Variants in C1orf21 observed in about 807,000 individuals in gnomAD.
The protein encoded by C1orf21 is chromosome 1 open reading frame 21, also known as uncharacterized protein C1orf21.
C1orf21 carries 3 observed loss-of-function variants against 18.7 expected under a neutral mutation model. The ratio of observed to expected loss-of-function variants is 0.16; its 90% confidence interval spans 0.07 to 0.42. The LOEUF is 0.42. Among genes scored for constraint, C1orf21 ranks in the 10% least tolerant of loss-of-function variants. The pLI, the probability that C1orf21 is intolerant of heterozygous loss-of-function variation, is 0.99. For missense variants in C1orf21, 104 were observed against 143.6 expected (o/e 0.72, Z 1.41); for synonymous variants, 41 against 46.4 (o/e 0.88, Z 0.47).
rs1656494347 is a variant in C1orf21, at chr1:184,418,427, T to A, written c.-125+31059T>A. ...TAGGGTTTCACCATGTTGCCCAGTC[T>A]GGTCTTGAACTCCTGGGCTGAAGCA... On this transcript the variant is annotated intron_variant, in intron 1 of 5. Coordinates refer to ENST00000235307, the MANE Select transcript of C1orf21 (RefSeq NM_030806.4). Among the ~76,000 whole-genome samples, 6 of 152,308 alleles carry A rather than the reference T, an allele frequency of 3.9e-5. No homozygotes were observed. In the South Asian group the frequency reaches 1.2e-3, roughly 32 times the overall value.
rs988999519 is a variant in C1orf21, at chr1:184,625,657, T to G, written c.*6101T>G. The G allele has an allele frequency of 3.9e-5, 6 of 152,570 alleles. No homozygotes were observed. Among genetic ancestry groups the G allele is most frequent in the African/African-American group, 1.4e-4 (6 of 41,420 alleles). The allele number at this position is 152,570 out of a possible 1,614,324, so 9.5% of individuals were successfully genotyped here. A position where few individuals can be genotyped will look rare whatever the true frequency, so the allele number is the denominator to read the frequency against. ...TTTTGCCTTTCTGTAATCTCCAAGA[T>G]AGTGTCTAGGAAAGTAATAGTATAA... On this transcript the variant is annotated 3_prime_UTR_variant, in exon 6 of 6. Transcript: ENST00000235307.
In C1orf21 at chr1:184,481,934, T is replaced by C. The variant is rs371751768; in HGVS notation, c.94+4331T>C. 3.9e-5 allele frequency among the ~76,000 whole-genome samples: 6 copies of C among 152,344 alleles called. No individual in the cohort carries two copies. The East Asian group carries it at 9.6e-4, about 24-fold the overall frequency. On this transcript the variant is annotated intron_variant, in intron 2 of 5. Transcript: ENST00000235307. Reference sequence around the variant, plus strand: ...ATATGACGAGTTAAGGTCTTGTCTGTGTTTCTTCACTTAAATTAATTCGCA... The same window carrying C: ...ATATGACGAGTTAAGGTCTTGTCTGCGTTTCTTCACTTAAATTAATTCGCA...
chr1:184,548,512 T>A (rs958213108), intron 3 of C1orf21, among the ~76,000 whole-genome samples: 4 of 151,450 alleles, frequency 2.6e-5, no homozygotes, highest in Non-Finnish European at 5.9e-5. Flanking sequence ...CCTCCCGGGT[T>A]CACGCCATTC....
chr1:184,496,441 C>T (rs955188235), intron 2 of C1orf21, among the ~76,000 whole-genome samples: 7 of 152,172 alleles, frequency 4.6e-5, no homozygotes, highest in South Asian at 2.1e-4. Flanking sequence ...CCAAGACCCC[C>T]GGATTTCGGG....
intron 3 of C1orf21, among the ~76,000 whole-genome samples, chr1:184,590,275 G>A (rs554812993): frequency 9.2e-4 from 140 of 152,272 alleles, no homozygotes; most frequent in African/African-American, 3.3e-3. Flanking sequence ...ATTTGTCGTG[G>A]GTTTTAGTCA....
intron 3 of C1orf21, among the ~76,000 whole-genome samples, chr1:184,530,135 T>C (rs1467838207): frequency 6.6e-6 from 1 of 152,214 alleles, no homozygotes; most frequent in Non-Finnish European, 1.5e-5. Context: ...AATCTAAATA[T>C]AGTAGTTATT....
chr1:184,393,274 C>T (rs1656001131), intron 1 of C1orf21, among the ~76,000 whole-genome samples: 1 of 152,214 alleles, frequency 6.6e-6, no homozygotes, highest in Non-Finnish European at 1.5e-5. Context: ...TGACAGTAGA[C>T]TTCTTGCTTC....
intron 1 of C1orf21, among the ~76,000 whole-genome samples, chr1:184,427,065 C>T (rs1047296697): frequency 4.1e-4 from 62 of 152,242 alleles, no homozygotes; most frequent in African/African-American, 1.4e-3. Context: ...TGAGCTGAAT[C>T]CAGCTCTTAT....
chr1:184,495,151 G>A (rs1270489017), intron 2 of C1orf21, among the ~76,000 whole-genome samples: 2 of 152,196 alleles, frequency 1.3e-5, no homozygotes, highest in African/African-American at 2.4e-5. Flanking sequence ...GCCCGAAGAG[G>A]CAAGTTTCTA....
At chr1:184,452,118 T>C (rs1481782391) in intron 1 of C1orf21, among the ~76,000 whole-genome samples, 2 of 152,190 alleles carry the variant, frequency 1.3e-5, no homozygotes, top group Admixed American at 1.3e-4. Context: ...CTCCTAGACA[T>C]GTCCATGTGC....
At chr1:184,585,057 A>T (rs1659334222) in intron 3 of C1orf21, among the ~76,000 whole-genome samples, 1 of 152,224 alleles carries the variant, frequency 6.6e-6, no homozygotes, top group South Asian at 2.1e-4. Flanking sequence ...GGGGAATTTT[A>T]TAGAATGTAA....
intron 3 of C1orf21, among the ~76,000 whole-genome samples, chr1:184,563,566 T>C (rs1240019718): frequency 6.6e-6 from 1 of 152,260 alleles, no homozygotes; most frequent in Non-Finnish European, 1.5e-5. Context: ...GTTATCATTT[T>C]TTACATGTCT....
rs568280379 is a variant in C1orf21 at position 184,505,711 on chromosome 1, C to T, written c.95-1877C>T. On this transcript the variant is annotated intron_variant, in intron 2 of 5. Coordinates refer to ENST00000235307, the MANE Select transcript of C1orf21 (RefSeq NM_030806.4). ...CCGGGAGGCGGAGGTTGCAGTGAGC[C>T]GAGATCACACCATCACACTCCAGCC... 3.3e-5 allele frequency among the ~76,000 whole-genome samples: 5 copies of T among 151,260 alleles called. No individual in the cohort carries two copies. In the South Asian group the frequency reaches 8.4e-4, roughly 25 times the overall value.
At chr1:184,534,459 G>A (rs1307317366) in intron 3 of C1orf21, among the ~76,000 whole-genome samples, 1 of 152,098 alleles carries the variant, frequency 6.6e-6, no homozygotes, top group Non-Finnish European at 1.5e-5. Context: ...GCCTCTCACA[G>A]GGCTTTTCTG....
intron 3 of C1orf21, among the ~76,000 whole-genome samples, chr1:184,565,762 T>C (rs1571280087): frequency 6.6e-6 from 1 of 152,246 alleles, no homozygotes. Context: ...GTCCTGCATA[T>C]TAAACCTTTA....
intron 4 of C1orf21, among the ~76,000 whole-genome samples, chr1:184,594,436 G>A (rs79265062): frequency 6.6e-6 from 1 of 152,202 alleles, no homozygotes; most frequent in Non-Finnish European, 1.5e-5. Context: ...GAGCCCCTAT[G>A]AGAAAATGAA....
rs1019528653 is a variant in C1orf21, at chr1:184,430,391, G to A, written c.-125+43023G>A. Among the ~76,000 whole-genome samples the A allele has an allele frequency of 2.1e-4, 32 of 152,260 alleles. 2 individuals carry two copies. The South Asian group carries it at 4.6e-3, about 22-fold the overall frequency. ...TGTGATTTCAAACAGCACAGTTTACGATTTGTAAGGCTTTGATTAATGTTT... is the reference window on the plus strand; with the variant it reads ...TGTGATTTCAAACAGCACAGTTTACAATTTGTAAGGCTTTGATTAATGTTT... On this transcript the variant is annotated intron_variant, in intron 1 of 5. Transcript: ENST00000235307.
At chr1:184,616,614 C>G (rs973056735) in intron 5 of C1orf21, among the ~76,000 whole-genome samples, 1 of 152,208 alleles carries the variant, frequency 6.6e-6, no homozygotes, top group African/African-American at 2.4e-5. Context: ...CCCAGAAACT[C>G]ATTTACCAAA....
chr1:184,396,250 A>C (rs1410905657), intron 1 of C1orf21, among the ~76,000 whole-genome samples: 1 of 152,182 alleles, frequency 6.6e-6, no homozygotes, highest in African/African-American at 2.4e-5. Context: ...ATTTTGTATG[A>C]TGTTTGGTTC....
Sources: gnomAD v4.1 joint callset for allele counts (sites outside exome capture counted in the v4.1 genomes callset) on GRCh38, gnomAD v4.1.1 for gene constraint, MANE v1.5 for transcripts, NCBI Gene and HGNC (gene_info 2026-07-23, HGNC 2026-07-21) for gene names.